Variants in PEMT observed in about 807,000 individuals in gnomAD.
PEMT encodes the protein phospholipid methyltransferase.
PEMT carries 23 observed loss-of-function variants against 27.4 expected under a neutral mutation model. That is an observed-to-expected ratio of 0.84 (90% CI 0.60 to 1.19). The LOEUF (loss-of-function observed/expected upper bound fraction) is 1.19. PEMT is among the 50% of genes most tolerant of loss of function. The pLI is 0.00. For missense variants in PEMT, 307 were observed against 310.1 expected (o/e 0.99, Z 0.07); for synonymous variants, 137 against 139.1 (o/e 0.98, Z 0.11).
intron 5 of PEMT, among the ~76,000 whole-genome samples, chr17:17,506,815 C>T (rs918793267): frequency 1.3e-5 from 2 of 152,238 alleles, no homozygotes; most frequent in African/African-American, 2.4e-5. Flanking sequence ...CCCATGGCCA[C>T]GCCCTGGGAG....
intron 2 of PEMT, among the ~76,000 whole-genome samples, chr17:17,559,840 C>T (rs1910345398): frequency 6.6e-6 from 1 of 152,222 alleles, no homozygotes; most frequent in Non-Finnish European, 1.5e-5. Context: ...AACGGCAAGC[C>T]CAGGCCAATC....
rs990932749 is a variant in PEMT, at chr17:17,513,402, G to C, written c.321-748C>G. ...ACCTGAGGTCAGGAGTTCAAGACCAGCCTGGCCAACATGGTGAAACCCTGT... is the reference window on the plus strand; with the variant it reads ...ACCTGAGGTCAGGAGTTCAAGACCACCCTGGCCAACATGGTGAAACCCTGT... On this transcript the variant is annotated intron_variant, in intron 3 of 6. Coordinates refer to ENST00000255389, the MANE Select transcript of PEMT (RefSeq NM_148172.3). This position sits in a 1 kb window ranked among gnomAD's most constrained non-coding sequence, Gnocchi z 4.1. Among the ~76,000 whole-genome samples, 3 of 152,162 alleles carry C rather than the reference G, an allele frequency of 2.0e-5. No homozygotes were observed. Among genetic ancestry groups the C allele is most frequent in the African/African-American group, 7.2e-5 (3 of 41,438 alleles).
intron 2 of PEMT, among the ~76,000 whole-genome samples, chr17:17,545,275 C>T (rs3744118): frequency 0.047 from 7,142 of 152,250 alleles, 233 homozygotes; most frequent in South Asian, 0.095. Flanking sequence ...CTTGAAGCCC[C>T]TCACCGTCCT....
At chr17:17,591,476 T>A in intron 1 of PEMT, 55 bp downstream of exon 1, 2 of 1,350,928 alleles carry the variant, frequency 1.5e-6, no homozygotes, top group East Asian at 2.9e-5. Context: ...TTCACGCCCC[T>A]CGGGCCTTGC....
At chr17:17,563,870 C>T (rs544989520) in intron 2 of PEMT, among the ~76,000 whole-genome samples, 6 of 152,212 alleles carry the variant, frequency 3.9e-5, no homozygotes, top group Non-Finnish European at 5.9e-5. Context: ...ACAGTCTGCC[C>T]GCCTCCCCAG....
chr17:17,551,235 C>T (rs1337700372), intron 2 of PEMT, among the ~76,000 whole-genome samples: 1 of 152,176 alleles, frequency 6.6e-6, no homozygotes, highest in Non-Finnish European at 1.5e-5. Context: ...CCCAAGACAC[C>T]GGAAAGGGGT....
chr17:17,586,268 GAAAGAAAGAAAGAAAGAAAGAAAA>G (rs1449035570), intron 1 of PEMT, among the ~76,000 whole-genome samples: 1,134 of 109,772 alleles, frequency 0.01, 43 homozygotes, highest in African/African-American at 0.032. Context: ...AAGAAAGAAA[GAAAGAAAGAAAGAAAGAAAGAAAA>G]AAAAAAACGC....
At chr17:17,591,132 T>TCA (rs70959681) in intron 1 of PEMT, among the ~76,000 whole-genome samples, 283 of 152,140 alleles carry the variant, frequency 1.9e-3, no homozygotes, top group African/African-American at 6.7e-3. Context: ...CCACGCTCAG[T>TCA]CACACACAGC....
Position 17,509,485 on chromosome 17 carries a change from T to C in PEMT, c.527A>G (p.Asp176Gly), listed in dbSNP as rs780701812. Reference protein sequence around the residue: ...RVTVFPFNILDNPMYWGSTAN... With the variant: ...RVTVFPFNILGNPMYWGSTAN... The stretch of plus-strand genomic sequence containing the variant: ...TGTGCTTCCCCAGTACATGGGGTTG[T>C]CCAGGATGTTGAAGGGGAACACGGT... Residue 176 changes from aspartate to glycine, a missense_variant, in exon 5 of 7, where the codon GAC (aspartate) becomes GGC (glycine). Transcript: ENST00000255389. 1.9e-6 allele frequency: 3 copies of C among 1,614,016 alleles called. No homozygotes were observed. Among genetic ancestry groups the C allele is most frequent in the Non-Finnish European group, 1.7e-6 (2 of 1,179,900 alleles).
At chr17:17,572,219 T>C (rs1444992308) in intron 2 of PEMT, among the ~76,000 whole-genome samples, 3 of 152,226 alleles carry the variant, frequency 2.0e-5, no homozygotes, top group African/African-American at 7.2e-5. Flanking sequence ...CAAGCTGCCA[T>C]CTGGGGCCTG....
intron 2 of PEMT, among the ~76,000 whole-genome samples, chr17:17,551,252 G>A (rs970196425): frequency 9.9e-5 from 15 of 152,246 alleles, no homozygotes; most frequent in Non-Finnish European, 1.0e-4. Flanking sequence ...GGGTTCAGGG[G>A]AAAGGGATTC....
intron 2 of PEMT, among the ~76,000 whole-genome samples, chr17:17,542,108 G>A (rs1362200923): frequency 1.3e-5 from 2 of 152,144 alleles, no homozygotes; most frequent in Non-Finnish European, 2.9e-5. Context: ...AGCCTCCCAA[G>A]TAGCTGGGAT....
In PEMT at chr17:17,510,440, G is replaced by A. The variant is rs190378988; in HGVS notation, c.467-895C>T. On this transcript the variant is annotated intron_variant, in intron 4 of 6. Coordinates refer to ENST00000255389, the MANE Select transcript of PEMT (RefSeq NM_148172.3). ...AGAGGACAATGGAGCTTCATCCAAGGCGGAAAGTAGGGCAGCTGCCCGACA... is the reference window on the plus strand; with the variant it reads ...AGAGGACAATGGAGCTTCATCCAAGACGGAAAGTAGGGCAGCTGCCCGACA... Among the ~76,000 whole-genome samples, 318 of 152,302 alleles carry A rather than the reference G, an allele frequency of 2.1e-3. 2 individuals are homozygous for A. Among genetic ancestry groups the A allele is most frequent in the Non-Finnish European group, 3.4e-3 (234 of 68,020 alleles).
chr17:17,575,383 G>GTA (rs1407633627), intron 2 of PEMT, among the ~76,000 whole-genome samples: 1 of 152,280 alleles, frequency 6.6e-6, no homozygotes, highest in African/African-American at 2.4e-5. Flanking sequence ...TTGTGTGTGT[G>GTA]CCATATAAGA....
At chr17:17,521,670 T>A (rs1907271740) in intron 3 of PEMT, among the ~76,000 whole-genome samples, 1 of 152,152 alleles carries the variant, frequency 6.6e-6, no homozygotes, top group African/African-American at 2.4e-5. Context: ...GTTCAAGCAA[T>A]TCTCCTGCCT....
At chr17:17,522,210 A>G (rs1907319862) in intron 3 of PEMT, 70 bp downstream of exon 3, 3 of 1,104,956 alleles carry the variant, frequency 2.7e-6, no homozygotes, top group Admixed American at 3.7e-5. Context: ...GTGAGGGATG[A>G]GGTACCACCA....
At position 17,545,001 on chromosome 17, in the gene PEMT, G is replaced by A. The variant is rs140702861; in HGVS notation, c.205-22606C>T. ...GGGAGTCCAAGGTGGGCCCGGGCCC[G>A]GGTTAACTTGGACAAGGCACTTCCT... On this transcript the variant is annotated intron_variant, in intron 2 of 6. Coordinates refer to ENST00000255389, the MANE Select transcript of PEMT (RefSeq NM_148172.3). 5.6e-3 allele frequency among the ~76,000 whole-genome samples: 859 copies of A among 152,306 alleles called. 13 individuals are homozygous for A. The highest frequency in any genetic ancestry group is 0.02 in the African/African-American group (833 of 41,564).
At chr17:17,506,804 C>A (rs1481857956) in intron 5 of PEMT, among the ~76,000 whole-genome samples, 1 of 152,236 alleles carries the variant, frequency 6.6e-6, no homozygotes, top group Non-Finnish European at 1.5e-5. Context: ...ACAGGTGCAA[C>A]CCCATGGCCA....
chr17:17,514,608 G>A (rs1284246924), intron 3 of PEMT, among the ~76,000 whole-genome samples: 2 of 152,252 alleles, frequency 1.3e-5, no homozygotes, highest in East Asian at 1.9e-4. Flanking sequence ...TGATCCTGCT[G>A]CTGCCCGGGC....
Sources: allele counts gnomAD v4.1 joint callset (sites outside exome capture counted in the v4.1 genomes callset), GRCh38; gene constraint gnomAD v4.1.1; non-coding constraint Gnocchi (gnomAD v3.1); transcripts MANE v1.5; gene names NCBI Gene and HGNC (gene_info 2026-07-23, HGNC 2026-07-21).